The following HHIPL1 variants were observed in gnomAD, a reference collection of about 807,000 sequenced individuals.
HHIPL1 encodes HHIP like 1.
A neutral mutation model predicts 61.8 loss-of-function variants in HHIPL1; 43 were observed. The observed-to-expected ratio is 0.70, with a 90% CI of 0.55 to 0.90. The LOEUF (loss-of-function observed/expected upper bound fraction) is 0.90. Among genes scored for constraint, HHIPL1 ranks in the 40% least tolerant of loss-of-function variants. The pLI is 0.00. For missense variants in HHIPL1, 1,056 were observed against 1,157.7 expected, an observed-to-expected ratio of 0.91 and a Z score of 1.28; for synonymous variants, 482 against 515.8, an observed-to-expected ratio of 0.93 and a Z score of 0.89.
chr14:99,637,633 C>T, the HHIPL1 span, among the ~76,000 whole-genome samples: 4 of 151,978 alleles, frequency 2.6e-5, no homozygotes, highest in Non-Finnish European at 4.4e-5. Context: ...AGTTTAAGAA[C>T]ATGCCAGATG....
At chr14:99,629,116 T>C in the HHIPL1 span, among the ~76,000 whole-genome samples, 1,791 of 152,156 alleles carry the variant, frequency 0.012, 46 homozygotes, top group African/African-American at 0.041. Flanking sequence ...GGGACCCAGA[T>C]CACGTGCCAG....
chr14:99,626,290 G>T, the HHIPL1 span, among the ~76,000 whole-genome samples: 1 of 152,096 alleles, frequency 6.6e-6, no homozygotes, highest in African/African-American at 2.4e-5. Context: ...GTGTGTGTGT[G>T]TATGCATGTG....
the HHIPL1 span, among the ~76,000 whole-genome samples, chr14:99,631,973 T>C: frequency 2.6e-5 from 4 of 152,280 alleles, no homozygotes; most frequent in East Asian, 1.9e-4. Context: ...GAGGATTCCC[T>C]TGGGATGGGG....
chr14:99,625,525 A>G, the HHIPL1 span: 2 of 152,194 alleles, frequency 1.3e-5, no homozygotes, highest in African/African-American at 2.4e-5. Flanking sequence ...AGTGCCCACA[A>G]TGAGGCAGGG....
Position 99,675,996 on chromosome 14 carries a change from G to C in HHIPL1, c.*370G>C, listed in dbSNP as rs529143276. On this transcript the variant is annotated 3_prime_UTR_variant, in exon 9 of 9. Coordinates refer to ENST00000330710, the MANE Select transcript of HHIPL1 (RefSeq NM_001127258.3). The surrounding 1 kb of genome is among the most constrained non-coding windows in gnomAD (Gnocchi z 5.4). Reference sequence around the variant, plus strand: ...CCCTGGCTGTGCTAACAGAGGCACAGCTTGCAGACTGAGGGCGGTGGGGAG... The same window carrying C: ...CCCTGGCTGTGCTAACAGAGGCACACCTTGCAGACTGAGGGCGGTGGGGAG... 8.6e-6 allele frequency: 2 copies of C among 232,610 alleles called. No homozygotes were observed. Among genetic ancestry groups the C allele is most frequent in the Non-Finnish European group, 1.7e-5 (2 of 120,122 alleles). 14.4% of individuals were successfully genotyped at this position (232,610 alleles called of 1,614,324 possible).
rs2056127255 is a variant in HHIPL1 at position 99,660,232 on chromosome 14, C to T, written c.1376-48C>T. 6.2e-7 allele frequency: 1 copy of T among 1,610,280 alleles called. No individual in the cohort carries two copies. The highest frequency in any genetic ancestry group is 8.5e-7 in the Non-Finnish European group (1 of 1,178,462). On this transcript the variant is annotated intron_variant, in intron 4 of 8. Transcript: ENST00000330710. The surrounding 1 kb of genome is among the most constrained non-coding windows in gnomAD (Gnocchi z 4.9). ...CTCCGGAATTCTCCTGGCTGATGAA[C>T]CTTCCCGCCGCTGGCTCACCGAAGC...
rs1355775588 is a variant in HHIPL1 at position 99,668,856 on chromosome 14, C to A, written c.1730+553C>A. The A allele has an allele frequency of 6.2e-7, 1 of 1,614,042 alleles. No homozygotes were observed. Among genetic ancestry groups the A allele is most frequent in the Non-Finnish European group, 8.5e-7 (1 of 1,180,036 alleles). On this transcript the variant is annotated intron_variant, in intron 7 of 8. Transcript: ENST00000330710. The surrounding 1 kb of genome is among the most constrained non-coding windows in gnomAD (Gnocchi z 4.7). ...GCTGTAAGGCCAGAAGCGCCATGCCCGGCTATGTCCCAGCTCCTTCCGTGT... is the reference window on the plus strand; with the variant it reads ...GCTGTAAGGCCAGAAGCGCCATGCCAGGCTATGTCCCAGCTCCTTCCGTGT...
rs1595147187 is a variant in HHIPL1, at chr14:99,648,290, C to T, written c.255+2828C>T. ...TACTGAACAAACACATACATCTTCT[C>T]CATTTGTTCCTCCCAACAACTCTAT... On this transcript the variant is annotated intron_variant, in intron 1 of 8. Coordinates refer to ENST00000330710, the MANE Select transcript of HHIPL1 (RefSeq NM_001127258.3). 3.9e-5 allele frequency among the ~76,000 whole-genome samples: 6 copies of T among 152,308 alleles called. No homozygotes were observed. The South Asian group carries it at 1.2e-3, about 32-fold the overall frequency.
At chr14:99,635,091 G>A in the HHIPL1 span, among the ~76,000 whole-genome samples, 1 of 152,144 alleles carries the variant, frequency 6.6e-6, no homozygotes, top group Non-Finnish European at 1.5e-5. Flanking sequence ...GTGGGTTTGG[G>A]GTGGGGGCAG....
the HHIPL1 span, among the ~76,000 whole-genome samples, chr14:99,630,255 G>A: frequency 6.6e-6 from 1 of 152,206 alleles, no homozygotes; most frequent in African/African-American, 2.4e-5. Flanking sequence ...TGCAGGACCT[G>A]CCCCATCGCA....
Position 99,668,872 on chromosome 14 carries a change from C to T in HHIPL1, c.1730+569C>T, listed in dbSNP as rs747234215. The stretch of plus-strand genomic sequence containing the variant: ...CGCCATGCCCGGCTATGTCCCAGCT[C>T]CTTCCGTGTGCAGCTCATTGACGTC... On this transcript the variant is annotated intron_variant, in intron 7 of 8. Coordinates refer to ENST00000330710, the MANE Select transcript of HHIPL1 (RefSeq NM_001127258.3). The surrounding 1 kb of genome is among the most constrained non-coding windows in gnomAD (Gnocchi z 4.7). 4 of 1,613,970 alleles carry T rather than the reference C, an allele frequency of 2.5e-6. No homozygotes were observed. In the African/African-American group the frequency reaches 4.0e-5, roughly 16 times the overall value.
In HHIPL1 at chr14:99,675,729, G is replaced by T; in HGVS notation, c.*103G>T. ...GGGTGCACACGTGTTCTAGAGTGAA[G>T]GGGGTGCGGGTGTGTGCTGTCCTGG... On this transcript the variant is annotated 3_prime_UTR_variant, in exon 9 of 9. Transcript: ENST00000330710. The surrounding 1 kb of genome is among the most constrained non-coding windows in gnomAD (Gnocchi z 5.4). 8.3e-7 allele frequency: 1 copy of T among 1,203,960 alleles called. No homozygotes were observed. Among genetic ancestry groups the T allele is most frequent in the African/African-American group, 1.6e-5 (1 of 64,452 alleles). The allele number at this position is 1,203,960 out of a possible 1,614,324, so 74.6% of individuals were successfully genotyped here. A position where few individuals can be genotyped will look rare whatever the true frequency, so the allele number is the denominator to read the frequency against.
intron 2 of HHIPL1, among the ~76,000 whole-genome samples, chr14:99,656,417 C>T (rs1272107650): frequency 6.6e-6 from 1 of 152,126 alleles, no homozygotes; most frequent in African/African-American, 2.4e-5. Flanking sequence ...CGATAGAGTG[C>T]ATTAACTTTG....
the HHIPL1 span, among the ~76,000 whole-genome samples, chr14:99,616,760 T>G: frequency 2.6e-5 from 4 of 152,176 alleles, no homozygotes; most frequent in East Asian, 7.7e-4. Context: ...GACCTCTCCT[T>G]GCGACAATGG....
At chr14:99,652,072 A>G in intron 1 of HHIPL1, 152 bp from the exon 2 acceptor site, 1 of 672,848 alleles carries the variant, frequency 1.5e-6, no homozygotes, top group Non-Finnish European at 2.5e-6. Context: ...TGCTACTGTC[A>G]CTGAGGCTTA....
the HHIPL1 span, among the ~76,000 whole-genome samples, chr14:99,637,103 A>AAAAG: frequency 5.4e-5 from 6 of 110,928 alleles, no homozygotes; most frequent in East Asian, 1.1e-3. Flanking sequence ...AAGGAAGGAA[A>AAAAG]AAAGAAAGAA....
At chr14:99,622,222 C>T in the HHIPL1 span, among the ~76,000 whole-genome samples, 2 of 152,192 alleles carry the variant, frequency 1.3e-5, no homozygotes, top group African/African-American at 4.8e-5. Context: ...GCCTTTGGCA[C>T]ATCTGATAAG....
At position 99,659,723 on chromosome 14, in the gene HHIPL1, T is replaced by A; in HGVS notation, c.1342T>A (p.Tyr448Asn). ...GWRAREGFECYDRSLCANTSL... is the reference protein window; with the variant it reads ...GWRAREGFECNDRSLCANTSL... ...GCGCGCGCGCGAAGGGTTCGAGTGCTACGACCGCAGCCTGTGCGCCAACAC... is the reference window on the plus strand; with the variant it reads ...GCGCGCGCGCGAAGGGTTCGAGTGCAACGACCGCAGCCTGTGCGCCAACAC... The change falls in exon 4 of 9, where the codon TAC (tyrosine) becomes AAC (asparagine). Residue 448 changes from tyrosine (Y) to asparagine (N), a missense_variant. Coordinates refer to ENST00000330710, the MANE Select transcript of HHIPL1 (RefSeq NM_001127258.3). 1.4e-6 allele frequency: 2 copies of A among 1,469,782 alleles called. No homozygotes were observed. Among genetic ancestry groups the A allele is most frequent in the South Asian group, 1.4e-5 (1 of 70,986 alleles). The allele number at this position is 1,469,782 out of a possible 1,614,324, so 91.0% of individuals were successfully genotyped here. A position where few individuals can be genotyped will look rare whatever the true frequency, so the allele number is the denominator to read the frequency against.
the HHIPL1 span, among the ~76,000 whole-genome samples, chr14:99,612,815 A>C: frequency 5.1e-4 from 77 of 152,214 alleles, no homozygotes; most frequent in African/African-American, 1.7e-3. Flanking sequence ...CCTCTGGGTC[A>C]GGTACCTCCA....
Sources: allele counts gnomAD v4.1 joint callset (sites outside exome capture counted in the v4.1 genomes callset), GRCh38; gene constraint gnomAD v4.1.1; non-coding constraint Gnocchi (gnomAD v3.1); transcripts MANE v1.5; gene names NCBI Gene and HGNC (gene_info 2026-07-23, HGNC 2026-07-21).